CANX: variants seen among roughly 807,000 people sequenced by gnomAD.
The protein encoded by CANX is epididymis secretory sperm binding protein.
CANX carries 14 observed loss-of-function variants against 75.7 expected under a neutral mutation model. The ratio of observed to expected loss-of-function variants is 0.19; its 90% CI spans 0.12 to 0.29. The LOEUF (loss-of-function observed/expected upper bound fraction) is 0.29, where lower values mean the gene tolerates loss of function less well. Ranked by LOEUF, CANX falls within the 10% of genes least tolerant of loss-of-function variation. The pLI is 1.00. For synonymous variants in CANX, 227 were observed against 236.9 expected (o/e 0.96, Z 0.38); for missense variants, 567 against 713.2 (o/e 0.79, Z 2.34).
At position 179,705,842 on chromosome 5, in the gene CANX, C is replaced by T. The variant is rs929069704; in HGVS notation, c.161C>T (p.Ser54Leu). ...AAACCAGATACCACTGCTCCTCCTT[C>T]ATCTCCCAAGGTTTGAAATGGTCTT... Reference protein sequence around the residue: ...DSKPDTTAPPSSPKVTYKAPV... With the variant: ...DSKPDTTAPPLSPKVTYKAPV... The change falls in exon 2 of 15, where the codon TCA becomes TTA. Residue 54 changes from serine to leucine, a missense_variant. This residue lies in a region of CANX where 351 missense variants were observed against 433.8 expected (regional missense o/e 0.81). Transcript: ENST00000247461. The T allele has an allele frequency of 9.9e-6, 16 of 1,613,172 alleles. No homozygotes were observed. The highest frequency in any genetic ancestry group is 1.4e-5 in the Non-Finnish European group (16 of 1,179,222).
Position 179,722,976 on chromosome 5 carries a change from A to T in CANX, c.1355A>T (p.Asn452Ile). 3 of 1,614,150 alleles carry T rather than the reference A, an allele frequency of 1.9e-6. No homozygotes were observed. The highest frequency in any genetic ancestry group is 2.5e-6 in the Non-Finnish European group (3 of 1,180,026). The change falls in exon 11 of 15, where the codon AAT becomes ATT. Residue 452 changes from asparagine (N) to isoleucine (I), a missense_variant. Asn to Ile is a moderately radical substitution (Grantham distance 149). Around this residue, in one of 3 missense-constraint regions of CANX, gnomAD observed 167 missense variants for 179.3 expected, o/e 0.93. Coordinates refer to ENST00000247461, the MANE Select transcript of CANX (RefSeq NM_001746.4). Reference protein sequence around the residue: ...ADRRIVDDWANDGWGLKKAAD... With the variant: ...ADRRIVDDWAIDGWGLKKAAD... ...CGAAGAATAGTTGATGATTGGGCCA[A>T]TGATGGATGGGGCCTGAAGAAAGCT...
intron 11 of CANX, 78 bp from the exon 12 acceptor site, chr5:179,723,582 T>C: frequency 6.6e-7 from 1 of 1,506,370 alleles, no homozygotes; most frequent in Non-Finnish European, 9.1e-7. Context: ...ATGCCATAAC[T>C]GAACTGCAGA....
upstream of CANX, chr5:179,698,307 G>A: frequency 1.5e-6 from 1 of 646,840 alleles, no homozygotes; most frequent in South Asian, 3.8e-5. Context: ...AATAACCTCG[G>A]ATTATATTAT....
At chr5:179,690,798 A>T (rs1776287448) in intron 1 of CANX, among the ~76,000 whole-genome samples, 1 of 151,652 alleles carries the variant, frequency 6.6e-6, no homozygotes, top group Admixed American at 6.6e-5. Context: ...CTGAGACATG[A>T]TAGTCACTTG....
rs961067950 is a variant in CANX, at chr5:179,716,181, G to A, written c.798G>A (p.Met266Ile). 1.2e-6 allele frequency: 2 copies of A among 1,613,280 alleles called. No homozygotes were observed. The highest frequency in any genetic ancestry group is 1.3e-5 in the African/African-American group (1 of 74,902). Reference sequence around the variant, plus strand: ...ATAGTGGAAATCTGCTCAATGACATGACTCCTCCTGTAAATCCTTCACGTG... The same window carrying A: ...ATAGTGGAAATCTGCTCAATGACATAACTCCTCCTGTAAATCCTTCACGTG... ...VVNSGNLLNDMTPPVNPSREI... is the reference protein window; with the variant it reads ...VVNSGNLLNDITPPVNPSREI... Residue 266 changes from methionine to isoleucine, a missense_variant, in exon 8 of 15, where the codon ATG (methionine) becomes ATA (isoleucine). Transcript: ENST00000247461.
At chr5:179,716,375 A>G in intron 8 of CANX, 81 bp downstream of exon 8, 1 of 981,734 alleles carries the variant, frequency 1.0e-6, no homozygotes. Flanking sequence ...ATGTTGGTTG[A>G]GTAAGCTCTG....
chr5:179,728,048 A>G (rs1449179404), intron 14 of CANX, among the ~76,000 whole-genome samples: 1 of 152,234 alleles, frequency 6.6e-6, no homozygotes, highest in Non-Finnish European at 1.5e-5. Flanking sequence ...GTTCTGTCTT[A>G]ACTAGAATGC....
At chr5:179,689,175 A>C (rs1300493429) in intron 1 of CANX, among the ~76,000 whole-genome samples, 4 of 151,908 alleles carry the variant, frequency 2.6e-5, no homozygotes, top group Non-Finnish European at 5.9e-5. Flanking sequence ...TAAACCCAGG[A>C]GGCAGAGGTT....
chr5:179,693,369 A>G (rs555257508), intron 1 of CANX, among the ~76,000 whole-genome samples: 2 of 130,676 alleles, frequency 1.5e-5, no homozygotes, highest in African/African-American at 5.1e-5. Context: ...GTGAGACTCT[A>G]TCTCTACAAA....
chr5:179,715,071 A>G (rs1004042550), intron 7 of CANX, among the ~76,000 whole-genome samples: 1 of 152,226 alleles, frequency 6.6e-6, no homozygotes, highest in Non-Finnish European at 1.5e-5. Context: ...GTTTCTTAAC[A>G]ACAAAAGAGT....
At chr5:179,702,572 T>A (rs912418471) in intron 1 of CANX, among the ~76,000 whole-genome samples, 1 of 152,180 alleles carries the variant, frequency 6.6e-6, no homozygotes, top group Non-Finnish European at 1.5e-5. Flanking sequence ...CTATGCCACA[T>A]ATGGTTTAAT....
upstream of CANX, chr5:179,698,896 G>A (rs1776520500): frequency 4.3e-6 from 5 of 1,157,748 alleles, no homozygotes; most frequent in Non-Finnish European, 5.4e-6. Context: ...ACTTGGCGCC[G>A]GCTGTGGCTA....
chr5:179,696,274 T>C (rs1252148155), upstream of CANX, among the ~76,000 whole-genome samples: 1 of 121,890 alleles, frequency 8.2e-6, no homozygotes, highest in Non-Finnish European at 1.7e-5. Flanking sequence ...TTTCTTTTTT[T>C]TTTTTTTTTT....
intron 14 of CANX, 49 bp downstream of exon 14, chr5:179,726,808 TTATGTAA>T (rs1778705842): frequency 7.5e-7 from 1 of 1,337,468 alleles, no homozygotes; most frequent in African/African-American, 1.4e-5. Flanking sequence ...GAAGGTACAT[TTATGTAA>T]AGGGAATATT....
intron 1 of CANX, among the ~76,000 whole-genome samples, chr5:179,687,020 G>A (rs1347326408): frequency 3.9e-5 from 6 of 152,098 alleles, no homozygotes; most frequent in Non-Finnish European, 7.4e-5. Context: ...CAGGTAATCC[G>A]TCTGCCTTGG....
chr5:179,698,423 C>T (rs916434791), upstream of CANX: 2 of 1,278,568 alleles, frequency 1.6e-6, no homozygotes, highest in African/African-American at 1.5e-5. Flanking sequence ...GAGCAGTGCA[C>T]GCCAATCCGG....
chr5:179,714,842 G>A (rs1242197331), intron 7 of CANX, among the ~76,000 whole-genome samples: 1 of 151,568 alleles, frequency 6.6e-6, no homozygotes, highest in African/African-American at 2.4e-5. Flanking sequence ...CAGAAACACT[G>A]CAATCTCCAC....
chr5:179,728,505 C>G (rs1394056541), intron 14 of CANX, 86 bp from the exon 15 acceptor site: 2 of 781,602 alleles, frequency 2.6e-6, no homozygotes, highest in East Asian at 5.4e-5. Context: ...ATAAGTTACC[C>G]TCAGTCTGGC....
At chr5:179,721,857 C>G (rs750649988) in intron 10 of CANX, among the ~76,000 whole-genome samples, 8 of 151,924 alleles carry the variant, frequency 5.3e-5, no homozygotes, top group Non-Finnish European at 1.2e-4. Flanking sequence ...AGAAGCTGGT[C>G]TGATACTGTG....
Sources: gnomAD v4.1 joint callset for allele counts (sites outside exome capture counted in the v4.1 genomes callset) on GRCh38, gnomAD v4.1.1 for gene constraint, gnomAD v4.1.1 regional missense constraint, MANE v1.5 for transcripts, NCBI Gene and HGNC (gene_info 2026-07-23, HGNC 2026-07-21) for gene names.